SCD5: variants seen among roughly 807,000 people sequenced by gnomAD.
The protein encoded by SCD5 is stearoyl-CoA desaturase 5, also known as acyl-CoA-desaturase 4.
A neutral mutation model predicts 30.4 loss-of-function variants in SCD5; 20 were observed. That is an observed-to-expected ratio of 0.66 (90% confidence interval 0.46 to 0.96). SCD5 has a LOEUF of 0.96. Ranked by LOEUF, SCD5 falls within the 40% of genes least tolerant of loss-of-function variation. SCD5 has a pLI of 0.00. For synonymous variants in SCD5, 173 were observed against 176.4 expected, an observed-to-expected ratio of 0.98 and a Z score of 0.16; for missense variants, 381 against 443.3, an observed-to-expected ratio of 0.86 and a Z score of 1.26.
At chr4:82,638,491 T>C (rs1727478135) in intron 3 of SCD5, among the ~76,000 whole-genome samples, 2 of 152,206 alleles carry the variant, frequency 1.3e-5, no homozygotes, top group African/African-American at 4.8e-5. Context: ...CTCTGGATTA[T>C]CTTCTCAGGG....
At chr4:82,742,276 C>A (rs950045942) in intron 1 of SCD5, among the ~76,000 whole-genome samples, 2 of 152,088 alleles carry the variant, frequency 1.3e-5, no homozygotes, top group Non-Finnish European at 2.9e-5. Flanking sequence ...CATGCAGGAG[C>A]TAGTCTGCCT....
At chr4:82,743,164 GA>G (rs1720912454) in intron 1 of SCD5, among the ~76,000 whole-genome samples, 1 of 152,134 alleles carries the variant, frequency 6.6e-6, no homozygotes, top group Non-Finnish European at 1.5e-5. Context: ...TCTAATTTCT[GA>G]ATTGAGACAG....
In SCD5 at chr4:82,751,878, G is replaced by A. The variant is rs186407743; in HGVS notation, c.232+46428C>T. Among the ~76,000 whole-genome samples, 329 of 152,262 alleles carry A rather than the reference G, an allele frequency of 2.2e-3. 1 individual carries two copies. The highest frequency in any genetic ancestry group is 7.4e-3 in the African/African-American group (309 of 41,554). On this transcript the variant is annotated intron_variant, in intron 1 of 4. Transcript: ENST00000319540. ...CTGACCTTGTGATCTGCCAGTTTCC[G>A]CCTCCCAAAGTGCTGGGATTACAGG...
In SCD5 at chr4:82,679,224, G is replaced by A. The variant is rs868259576; in HGVS notation, c.569+1483C>T. On this transcript the variant is annotated intron_variant, in intron 3 of 4. Transcript: ENST00000319540. ...CAAAAAAAAAAAAAAAGAAAGAAAA[G>A]AAAGAAAGAAAGAAAGAAAGAAAGA... is the stretch of plus-strand genomic sequence containing the variant. Among the ~76,000 whole-genome samples the A allele has an allele frequency of 8.8e-4, 59 of 67,052 alleles. 4 individuals are homozygous for A. Among genetic ancestry groups the A allele is most frequent in the African/African-American group, 3.0e-3 (55 of 18,198 alleles). 44.0% of individuals were successfully genotyped at this position (67,052 alleles called of 152,430 possible).
chr4:82,648,430 G>A (rs1727675097), intron 3 of SCD5, among the ~76,000 whole-genome samples: 2 of 152,218 alleles, frequency 1.3e-5, no homozygotes, highest in African/African-American at 4.8e-5. Context: ...AGAGCAAATG[G>A]CCAAATGCCC....
intron 3 of SCD5, among the ~76,000 whole-genome samples, chr4:82,668,785 G>C (rs978291617): frequency 4.6e-5 from 7 of 152,208 alleles, no homozygotes; most frequent in African/African-American, 1.7e-4. Context: ...TGAGTAGTAA[G>C]GGAGTGGCAG....
chr4:82,681,479 C>T (rs1578018999), intron 2 of SCD5, among the ~76,000 whole-genome samples: 1 of 152,124 alleles, frequency 6.6e-6, no homozygotes, highest in South Asian at 2.1e-4. Flanking sequence ...CTGTCCAGAT[C>T]TTTGCAGGGA....
rs1488171612 is a variant in SCD5 at position 82,775,133 on chromosome 4, C to T, written c.232+23173G>A. On this transcript the variant is annotated intron_variant, in intron 1 of 4. Coordinates refer to ENST00000319540, the MANE Select transcript of SCD5 (RefSeq NM_001037582.3). Reference sequence around the variant, plus strand: ...ACAGAAGCAAAGCCATTGCTTCTGCCTCTTGCTAGAGAACAGCTGCTGGGA... The same window carrying T: ...ACAGAAGCAAAGCCATTGCTTCTGCTTCTTGCTAGAGAACAGCTGCTGGGA... Among the ~76,000 whole-genome samples the T allele has an allele frequency of 2.0e-5, 3 of 152,230 alleles. No homozygotes were observed. The East Asian group carries it at 5.8e-4, about 29-fold the overall frequency.
rs373193289 is a variant in SCD5 at position 82,680,915 on chromosome 4, G to A, written c.364-3C>T. 7 of 1,609,860 alleles carry A rather than the reference G, an allele frequency of 4.3e-6. No homozygotes were observed. The highest frequency in any genetic ancestry group is 5.9e-6 in the Non-Finnish European group (7 of 1,178,936). On this transcript the variant is annotated splice_polypyrimidine_tract_variant and splice_region_variant and intron_variant, in intron 2 of 4. Coordinates refer to ENST00000319540, the MANE Select transcript of SCD5 (RefSeq NM_001037582.3). ...CTGGACCACTCGAAGATGTCATTCTGCAGAGAGAATGAGAGCCTGAGTGAA... is the reference window on the plus strand; with the variant it reads ...CTGGACCACTCGAAGATGTCATTCTACAGAGAGAATGAGAGCCTGAGTGAA...
intron 2 of SCD5, among the ~76,000 whole-genome samples, chr4:82,685,155 G>GAA (rs1465077235): frequency 6.6e-6 from 1 of 152,126 alleles, no homozygotes; most frequent in African/African-American, 2.4e-5. Flanking sequence ...AATACTGAAG[G>GAA]GAGCTACATT....
intron 3 of SCD5, among the ~76,000 whole-genome samples, chr4:82,648,416 G>C (rs869949): frequency 0.9 from 137,293 of 152,116 alleles, 62,040 homozygotes; most frequent in East Asian, 1. Context: ...ACAGAGAGGT[G>C]CTCAGAGCAA....
intron 1 of SCD5, among the ~76,000 whole-genome samples, chr4:82,742,812 G>A (rs558344702): frequency 6.6e-6 from 1 of 152,258 alleles, no homozygotes; most frequent in Admixed American, 6.5e-5. Context: ...GACAATTACA[G>A]GAGAGAGCTC....
At chr4:82,731,375 C>T (rs1456541131) in intron 1 of SCD5, among the ~76,000 whole-genome samples, 1 of 152,236 alleles carries the variant, frequency 6.6e-6, no homozygotes, top group Non-Finnish European at 1.5e-5. Context: ...GAAGAGAGCA[C>T]TGGCTTCCTC....
intron 1 of SCD5, among the ~76,000 whole-genome samples, chr4:82,724,803 G>T (rs1302572594): frequency 6.6e-6 from 1 of 152,230 alleles, no homozygotes; most frequent in Admixed American, 6.5e-5. Flanking sequence ...GTGCCTGTGA[G>T]CAGTGGGGCT....
intron 1 of SCD5, among the ~76,000 whole-genome samples, chr4:82,730,244 CATATA>C (rs761398862): frequency 0.085 from 12,119 of 143,198 alleles, 688 homozygotes; most frequent in East Asian, 0.19. Flanking sequence ...TATTTAAAAA[CATATA>C]ATATATTATA....
chr4:82,757,089 A>G (rs1303833654), intron 1 of SCD5, among the ~76,000 whole-genome samples: 2 of 151,878 alleles, frequency 1.3e-5, no homozygotes, highest in African/African-American at 2.4e-5. Context: ...GGAAAACCCA[A>G]ACTTCTTAGT....
intron 1 of SCD5, among the ~76,000 whole-genome samples, chr4:82,755,260 G>A (rs1721209347): frequency 6.6e-6 from 1 of 152,196 alleles, no homozygotes; most frequent in Non-Finnish European, 1.5e-5. Flanking sequence ...AGCACTTTGG[G>A]AGGCTGAGGC....
chr4:82,775,856 GAA>G (rs10718061), intron 1 of SCD5: 47 of 144,344 alleles, frequency 3.3e-4, no homozygotes, highest in Admixed American at 1.0e-3. Flanking sequence ...CTGTCAAAAA[GAA>G]AAAAAAAAAA....
intron 1 of SCD5, among the ~76,000 whole-genome samples, chr4:82,757,751 T>G (rs1185382618): frequency 1.3e-5 from 2 of 152,204 alleles, no homozygotes; most frequent in Admixed American, 6.5e-5. Context: ...TCAGAGGTAT[T>G]GTGAAGAATG....
Sources: gnomAD v4.1 joint callset for allele counts (sites outside exome capture counted in the v4.1 genomes callset) on GRCh38, gnomAD v4.1.1 for gene constraint, MANE v1.5 for transcripts, NCBI Gene and HGNC (gene_info 2026-07-23, HGNC 2026-07-21) for gene names.